RAD54B: variants seen among roughly 807,000 people sequenced by gnomAD.
RAD54B encodes the protein RAD54 homolog B, also known as DNA repair and recombination protein RAD54B.
Under a neutral mutation model 95.8 loss-of-function variants are expected in RAD54B, and 78 were observed. The observed-to-expected ratio is 0.81, with a 90% CI of 0.68 to 0.98. The LOEUF (loss-of-function observed/expected upper bound fraction) is 0.98, where lower values mean the gene tolerates loss of function less well. Ranked by LOEUF, RAD54B falls within the 50% of genes least tolerant of loss-of-function variation. RAD54B has a pLI of 0.00. For missense variants in RAD54B, 957 were observed against 1,056.6 expected (o/e 0.91, Z 1.31); for synonymous variants, 328 against 354.9 (o/e 0.92, Z 0.85).
chr8:94,407,550 C>T lies in RAD54B; in HGVS notation c.670G>A (p.Ala224Thr), dbSNP rs1412367279. 3.7e-6 allele frequency: 6 copies of T among 1,613,838 alleles called. No homozygotes were observed. Among genetic ancestry groups the T allele is most frequent in the Non-Finnish European group, 5.1e-6 (6 of 1,179,918 alleles). The change falls in exon 5 of 15, where the codon GCC becomes ACC. Residue 224 changes from alanine (A) to threonine (T), a missense_variant. Coordinates refer to ENST00000336148, the MANE Select transcript of RAD54B (RefSeq NM_012415.3). ...STAISHSSQV[A>T]RKCFSNPFKS... ...AAAGGGTTAGAGAAACATTTCCTGGCAACCTGAGAAGAATGCGAGATAGCA... is the reference window on the plus strand; with the variant it reads ...AAAGGGTTAGAGAAACATTTCCTGGTAACCTGAGAAGAATGCGAGATAGCA...
intron 2 of RAD54B, among the ~76,000 whole-genome samples, chr8:94,461,589 G>C (rs1426003072): frequency 6.6e-6 from 1 of 151,768 alleles, no homozygotes; most frequent in East Asian, 1.9e-4. Flanking sequence ...ACTAATGAAG[G>C]TCACAAATTT....
At chr8:94,474,282 G>C (rs1813239644) in intron 1 of RAD54B, among the ~76,000 whole-genome samples, 1 of 152,136 alleles carries the variant, frequency 6.6e-6, no homozygotes. Context: ...CTGGGTGACA[G>C]GATCAATCGT....
chr8:94,447,972 T>C (rs1812560519), intron 3 of RAD54B, among the ~76,000 whole-genome samples: 1 of 152,228 alleles, frequency 6.6e-6, no homozygotes, highest in Non-Finnish European at 1.5e-5. Flanking sequence ...TATAAGCTAG[T>C]ATTTTTATCG....
intron 12 of RAD54B, among the ~76,000 whole-genome samples, chr8:94,379,012 T>C (rs778433850): frequency 2.0e-5 from 3 of 152,194 alleles, no homozygotes; most frequent in Admixed American, 6.5e-5. Context: ...CTAGGATACA[T>C]GTAATCAGCT....
chr8:94,423,608 G>T (rs1168644098), intron 3 of RAD54B, among the ~76,000 whole-genome samples: 2 of 152,122 alleles, frequency 1.3e-5, no homozygotes, highest in Non-Finnish European at 2.9e-5. Context: ...ACAAATTTTA[G>T]TCAAGAAAAC....
intron 7 of RAD54B, among the ~76,000 whole-genome samples, chr8:94,399,909 C>T (rs1242787897): frequency 1.3e-5 from 2 of 152,092 alleles, no homozygotes; most frequent in Non-Finnish European, 2.9e-5. Context: ...TTACTGTATC[C>T]TCACATGGTA....
intron 3 of RAD54B, among the ~76,000 whole-genome samples, chr8:94,416,605 T>C (rs1385366755): frequency 1.3e-5 from 2 of 151,610 alleles, no homozygotes; most frequent in Non-Finnish European, 2.9e-5. Flanking sequence ...AAATGATATA[T>C]ACAAACAACC....
intron 9 of RAD54B, among the ~76,000 whole-genome samples, chr8:94,392,915 C>G (rs2129989323): frequency 6.6e-6 from 1 of 151,688 alleles, no homozygotes; most frequent in East Asian, 1.9e-4. Flanking sequence ...CAGCTCACTG[C>G]AACCTCTGCC....
chr8:94,393,132 T>C (rs1284543984), intron 9 of RAD54B, among the ~76,000 whole-genome samples: 1 of 152,104 alleles, frequency 6.6e-6, no homozygotes, highest in Non-Finnish European at 1.5e-5. Context: ...AGCTAAGTTT[T>C]TAAATAAATG....
At chr8:94,468,554 G>A (rs934184428) in intron 1 of RAD54B, among the ~76,000 whole-genome samples, 11 of 151,862 alleles carry the variant, frequency 7.2e-5, no homozygotes, top group East Asian at 1.9e-4. Flanking sequence ...GGCCGAGCAC[G>A]GTGGCTCATG....
chr8:94,390,087 C>T (rs1810980393), intron 10 of RAD54B, among the ~76,000 whole-genome samples: 1 of 152,090 alleles, frequency 6.6e-6, no homozygotes, highest in African/African-American at 2.4e-5. Flanking sequence ...CACCTGTAAT[C>T]TCAGCACTTT....
intron 3 of RAD54B, among the ~76,000 whole-genome samples, chr8:94,426,177 T>C (rs1219539613): frequency 1.7e-4 from 26 of 151,362 alleles, no homozygotes; most frequent in Non-Finnish European, 2.8e-4. Flanking sequence ...GGTTTCGAAC[T>C]CCTGGCCTCA....
intron 2 of RAD54B, among the ~76,000 whole-genome samples, chr8:94,459,746 G>A (rs1812859089): frequency 6.6e-6 from 1 of 151,874 alleles, no homozygotes; most frequent in Non-Finnish European, 1.5e-5. Flanking sequence ...TGTAATCCCA[G>A]CTGCTCAGGA....
chr8:94,466,911 C>T (rs1176936353), intron 2 of RAD54B, among the ~76,000 whole-genome samples: 4 of 152,098 alleles, frequency 2.6e-5, no homozygotes, highest in Admixed American at 6.5e-5. Flanking sequence ...TTTATAGACT[C>T]AAGTACATGT....
At chr8:94,451,030 G>A (rs1309469655) in intron 3 of RAD54B, among the ~76,000 whole-genome samples, 1 of 152,090 alleles carries the variant, frequency 6.6e-6, no homozygotes, top group African/African-American at 2.4e-5. Context: ...GATAAATATA[G>A]ATGTAATCAT....
In RAD54B at chr8:94,431,006, G is replaced by T. The variant is rs139850666; in HGVS notation, c.305-19691C>A. On this transcript the variant is annotated intron_variant, in intron 3 of 14. Transcript: ENST00000336148. Reference sequence around the variant, plus strand: ...TCACTCTTGACTTCAAACACCCATGGTCCCCTTCACTGCTGAAATTACACC... The same window carrying T: ...TCACTCTTGACTTCAAACACCCATGTTCCCCTTCACTGCTGAAATTACACC... 2,687 of 984,968 alleles carry T rather than the reference G, an allele frequency of 2.7e-3. 2 individuals are homozygous for T. Among genetic ancestry groups the T allele is most frequent in the Non-Finnish European group, 3.1e-3 (2,566 of 829,844 alleles). 61.0% of individuals were successfully genotyped at this position (984,968 alleles called of 1,614,324 possible).
chr8:94,465,814 T>C (rs1164090242), intron 2 of RAD54B, among the ~76,000 whole-genome samples: 1 of 152,218 alleles, frequency 6.6e-6, no homozygotes, highest in African/African-American at 2.4e-5. Context: ...AACCATATAA[T>C]GATTATTCAA....
At chr8:94,415,372 TG>T (rs1475033906) in intron 3 of RAD54B, among the ~76,000 whole-genome samples, 1 of 150,002 alleles carries the variant, frequency 6.7e-6, no homozygotes, top group Non-Finnish European at 1.5e-5. Context: ...CAATTCAAGA[TG>T]GATTAAAGAC....
chr8:94,407,496 C>T lies in RAD54B; in HGVS notation c.724G>A (p.Glu242Lys). 6.2e-7 allele frequency: 1 copy of T among 1,613,872 alleles called. No homozygotes were observed. Among genetic ancestry groups the T allele is most frequent in the Non-Finnish European group, 8.5e-7 (1 of 1,179,840 alleles). ...TTTTGGAAATCATTCTGTCTATTTTCCTTTGAACTTGGTTTACAAACACTT... is the reference window on the plus strand; with the variant it reads ...TTTTGGAAATCATTCTGTCTATTTTTCTTTGAACTTGGTTTACAAACACTT... ...FKSVCKPSSK[E>K]NRQNDFQNCK... The change falls in exon 5 of 15, where the codon GAA (glutamate) becomes AAA (lysine). Residue 242 changes from glutamate (E) to lysine (K), a missense_variant. Glu to Lys is a moderately conservative substitution (Grantham distance 56). Coordinates refer to ENST00000336148, the MANE Select transcript of RAD54B (RefSeq NM_012415.3).
Sources: gnomAD v4.1 joint callset for allele counts (sites outside exome capture counted in the v4.1 genomes callset) on GRCh38, gnomAD v4.1.1 for gene constraint, MANE v1.5 for transcripts, NCBI Gene and HGNC (gene_info 2026-07-23, HGNC 2026-07-21) for gene names.